NOVA1: variants seen among roughly 807,000 people sequenced by gnomAD.
NOVA1 encodes the protein NOVA alternative splicing regulator 1, also known as RNA-binding protein Nova-1.
Under a neutral mutation model 38.0 loss-of-function variants are expected in NOVA1, and 7 were observed. That is an observed-to-expected ratio of 0.18 (90% CI 0.10 to 0.35). NOVA1 has a LOEUF of 0.35. NOVA1 is among the 10% of genes least tolerant of loss of function. NOVA1 has a pLI of 1.00. For synonymous variants in NOVA1, 270 were observed against 232.5 expected, an observed-to-expected ratio of 1.16 and a Z score of -1.47; for missense variants, 460 against 616.0, an observed-to-expected ratio of 0.75 and a Z score of 2.68.
chr14:26,517,890 A>AT (rs1393342819), intron 2 of NOVA1, among the ~76,000 whole-genome samples: 4 of 152,158 alleles, frequency 2.6e-5, no homozygotes, highest in African/African-American at 4.8e-5. Context: ...ATAATATGAA[A>AT]TTGTTTTAAA....
intron 2 of NOVA1, among the ~76,000 whole-genome samples, chr14:26,502,224 GA>G (rs2138411478): frequency 6.6e-6 from 1 of 151,720 alleles, no homozygotes; most frequent in Admixed American, 6.6e-5. Flanking sequence ...ACTAATCATG[GA>G]TATTATATGG....
intron 2 of NOVA1, among the ~76,000 whole-genome samples, chr14:26,499,148 T>C (rs1360015538): frequency 6.6e-6 from 1 of 152,184 alleles, no homozygotes; most frequent in African/African-American, 2.4e-5. Flanking sequence ...TTCAGGACTT[T>C]TGCTAAATGA....
In NOVA1 at chr14:26,444,716, G is replaced by C. The variant is rs1881938861; in HGVS notation, c.*3243C>G. The C allele has an allele frequency of 6.6e-6, 1 of 152,030 alleles. No homozygotes were observed. Among genetic ancestry groups the C allele is most frequent in the African/African-American group, 2.4e-5 (1 of 41,402 alleles). 9.4% of individuals were successfully genotyped at this position (152,030 alleles called of 1,614,324 possible). ...AGGATTGAAAGTCCTACAGGTAATAGCAATAACTGGAAGTGCAGACGAAAT... is the reference window on the plus strand; with the variant it reads ...AGGATTGAAAGTCCTACAGGTAATACCAATAACTGGAAGTGCAGACGAAAT... On this transcript the variant is annotated 3_prime_UTR_variant, in exon 5 of 5. Coordinates refer to ENST00000539517, the MANE Select transcript of NOVA1 (RefSeq NM_002515.3).
intron 2 of NOVA1, among the ~76,000 whole-genome samples, chr14:26,516,247 T>C (rs1260963320): frequency 6.6e-6 from 1 of 152,212 alleles, no homozygotes; most frequent in Non-Finnish European, 1.5e-5. Flanking sequence ...TTATATTTTT[T>C]CCTTATTGAT....
intron 2 of NOVA1, among the ~76,000 whole-genome samples, chr14:26,520,312 C>T (rs1888774574): frequency 6.6e-6 from 1 of 152,138 alleles, no homozygotes; most frequent in Non-Finnish European, 1.5e-5. Context: ...CATGCAGGCT[C>T]CCCAGGGTGG....
intron 1 of NOVA1, 63 bp downstream of exon 1, chr14:26,597,238 G>C (rs1894254090): frequency 8.4e-7 from 1 of 1,191,952 alleles, no homozygotes; most frequent in African/African-American, 1.6e-5. Flanking sequence ...AGGACGGCGA[G>C]GGAGGGAGGC....
At chr14:26,586,082 G>A (rs1224662201) in intron 2 of NOVA1, among the ~76,000 whole-genome samples, 1 of 151,330 alleles carries the variant, frequency 6.6e-6, no homozygotes, top group African/African-American at 2.4e-5. Flanking sequence ...CACACAGCAG[G>A]CAAGAAGGAT....
chr14:26,549,829 G>A, intron 2 of NOVA1: 1 of 1,000,996 alleles, frequency 1.0e-6, no homozygotes, highest in Non-Finnish European at 1.4e-6. Flanking sequence ...CACCTCAGAA[G>A]TGGCTGCAAT....
At chr14:26,522,963 C>T (rs140292908) in intron 2 of NOVA1, among the ~76,000 whole-genome samples, 34 of 152,232 alleles carry the variant, frequency 2.2e-4, no homozygotes, top group Non-Finnish European at 3.7e-4. Context: ...TTCTAGTTGT[C>T]CTAAATTAGT....
In NOVA1 at chr14:26,445,704, T is replaced by C. The variant is rs913851374; in HGVS notation, c.*2255A>G. The C allele has an allele frequency of 1.2e-4, 19 of 152,270 alleles. No individual in the cohort carries two copies. Among genetic ancestry groups the C allele is most frequent in the African/African-American group, 4.3e-4 (18 of 41,448 alleles). 9.4% of individuals were successfully genotyped at this position (152,270 alleles called of 1,614,324 possible). A position where few individuals can be genotyped will look rare whatever the true frequency, so the allele number is the denominator to read the frequency against. ...ACATTTGAAATGCTTCTAGTACACA[T>C]CCTAGATCACTTCCTTTCCCTTTTT... On this transcript the variant is annotated 3_prime_UTR_variant, in exon 5 of 5. Transcript: ENST00000539517.
At chr14:26,580,901 C>A (rs1270772497) in intron 2 of NOVA1, among the ~76,000 whole-genome samples, 1 of 151,818 alleles carries the variant, frequency 6.6e-6, no homozygotes, top group Admixed American at 6.6e-5. Context: ...ACATTAAAAT[C>A]TCTGCTATAA....
At chr14:26,546,820 C>T (rs1296839449) in intron 2 of NOVA1, among the ~76,000 whole-genome samples, 2 of 152,092 alleles carry the variant, frequency 1.3e-5, no homozygotes, top group African/African-American at 4.8e-5. Flanking sequence ...GAGATCAAGA[C>T]CATCCTGGCT....
At chr14:26,494,854 C>G (rs190299573) in intron 2 of NOVA1, among the ~76,000 whole-genome samples, 248 of 152,262 alleles carry the variant, frequency 1.6e-3, no homozygotes, top group African/African-American at 5.6e-3. Flanking sequence ...ACAATCCACT[C>G]CTCTCTCAGA....
intron 3 of NOVA1, among the ~76,000 whole-genome samples, chr14:26,473,896 A>T (rs933376051): frequency 6.6e-6 from 1 of 151,986 alleles, no homozygotes; most frequent in Non-Finnish European, 1.5e-5. Context: ...TTTGTTTTCT[A>T]TTTTTGTTTT....
intron 2 of NOVA1, chr14:26,549,641 TG>T: frequency 1.1e-6 from 1 of 895,170 alleles, no homozygotes; most frequent in Non-Finnish European, 1.6e-6. Context: ...TTTCTCTTAT[TG>T]GGCTTTCCAG....
chr14:26,486,320 T>C (rs189240005), intron 2 of NOVA1, among the ~76,000 whole-genome samples: 2 of 152,244 alleles, frequency 1.3e-5, no homozygotes, highest in East Asian at 3.9e-4. Context: ...TATCTGATTA[T>C]AACAGGCTCT....
At chr14:26,517,893 GT>G (rs1888586291) in intron 2 of NOVA1, among the ~76,000 whole-genome samples, 1 of 152,068 alleles carries the variant, frequency 6.6e-6, no homozygotes, top group Non-Finnish European at 1.5e-5. Flanking sequence ...ATATGAAATT[GT>G]TTTAAATTCT....
At chr14:26,469,557 T>C (rs1884422493) in intron 4 of NOVA1, among the ~76,000 whole-genome samples, 1 of 152,188 alleles carries the variant, frequency 6.6e-6, no homozygotes, top group African/African-American at 2.4e-5. Context: ...CTGTTCTTCA[T>C]TTCTTATGTC....
intron 2 of NOVA1, among the ~76,000 whole-genome samples, chr14:26,505,934 T>G (rs1296166204): frequency 6.6e-6 from 1 of 152,176 alleles, no homozygotes; most frequent in African/African-American, 2.4e-5. Flanking sequence ...AATCTCATTT[T>G]CCTTATTTCA....
Sources: allele counts gnomAD v4.1 joint callset (sites outside exome capture counted in the v4.1 genomes callset), GRCh38; gene constraint gnomAD v4.1.1; transcripts MANE v1.5; gene names NCBI Gene and HGNC (gene_info 2026-07-23, HGNC 2026-07-21).